Variants in MYT1L observed in about 807,000 individuals in gnomAD.
MYT1L encodes myelin transcription factor 1 like.
MYT1L carries 12 observed loss-of-function variants against 126.7 expected under a neutral mutation model. The ratio of observed to expected loss-of-function variants is 0.09; its 90% CI spans 0.06 to 0.15. The LOEUF (loss-of-function observed/expected upper bound fraction) is 0.15, where lower values mean the gene tolerates loss of function less well. MYT1L is among the 10% of genes least tolerant of loss of function. MYT1L has a pLI of 1.00. For synonymous variants in MYT1L, 541 were observed against 604.2 expected, an observed-to-expected ratio of 0.90 and a Z score of 1.53; for missense variants, 979 against 1,585.2, an observed-to-expected ratio of 0.62 and a Z score of 6.49.
chr2:2,317,170 G>A (rs2096079431), intron 1 of MYT1L, among the ~76,000 whole-genome samples: 1 of 151,988 alleles, frequency 6.6e-6, no homozygotes, highest in Admixed American at 6.6e-5. Context: ...TGAATTTCAC[G>A]TCAACCTGCC....
At chr2:2,165,092 G>C (rs1333963768) in intron 3 of MYT1L, among the ~76,000 whole-genome samples, 1 of 152,184 alleles carries the variant, frequency 6.6e-6, no homozygotes, top group Non-Finnish European at 1.5e-5. Context: ...CAGCTCTCCA[G>C]GGGCACCAGA....
chr2:2,320,243 T>C (rs1361315812), intron 1 of MYT1L, among the ~76,000 whole-genome samples: 1 of 152,000 alleles, frequency 6.6e-6, no homozygotes, highest in African/African-American at 2.4e-5. Context: ...CCCCAGAGCC[T>C]CTGCCCTGGG....
chr2:2,163,791 C>T (rs935103217), intron 3 of MYT1L, among the ~76,000 whole-genome samples: 1 of 151,824 alleles, frequency 6.6e-6, no homozygotes, highest in South Asian at 2.1e-4. Context: ...AGACTTCGAC[C>T]TCCTGTGCTG....
chr2:2,201,894 GA>G (rs1241233372), intron 2 of MYT1L, among the ~76,000 whole-genome samples: 1 of 152,028 alleles, frequency 6.6e-6, no homozygotes, highest in East Asian at 1.9e-4. Context: ...AAGAAATACA[GA>G]CTTTTATTGG....
intron 4 of MYT1L, among the ~76,000 whole-genome samples, chr2:2,047,028 T>C (rs1385026656): frequency 1.3e-5 from 2 of 152,238 alleles, no homozygotes. Flanking sequence ...TTAATATTTT[T>C]ATTTGTTAAA....
At chr2:2,270,736 C>T (rs1203543824) in intron 2 of MYT1L, among the ~76,000 whole-genome samples, 3 of 152,068 alleles carry the variant, frequency 2.0e-5, no homozygotes, top group Non-Finnish European at 4.4e-5. Flanking sequence ...AAAGAAAGTA[C>T]AGCACAGTCT....
In MYT1L at chr2:1,887,687, G is replaced by C; in HGVS notation, c.2521-78C>G. 1 of 1,582,162 alleles carries C rather than the reference G, an allele frequency of 6.3e-7. No individual in the cohort carries two copies. The highest frequency in any genetic ancestry group is 2.2e-5 in the East Asian group (1 of 44,654). ...ACTGAGGGAGGTGGTTCGTGGCTCT[G>C]GGGTGGCCTCTACATCTTACACCTC... is the stretch of plus-strand genomic sequence containing the variant. On this transcript the variant is annotated intron_variant, in intron 16 of 24. Transcript: ENST00000647738. This position sits in a 1 kb window ranked among gnomAD's most constrained non-coding sequence, Gnocchi z 4.8.
At chr2:1,939,811 G>C (rs2056427415) in intron 9 of MYT1L, among the ~76,000 whole-genome samples, 4 of 152,258 alleles carry the variant, frequency 2.6e-5, no homozygotes, top group Admixed American at 2.6e-4. Flanking sequence ...GTACCTGCAG[G>C]TGACGTTGGC....
chr2:2,068,038 GACA>G (rs2074092214), intron 3 of MYT1L, among the ~76,000 whole-genome samples: 1 of 152,096 alleles, frequency 6.6e-6, no homozygotes, highest in African/African-American at 2.4e-5. Flanking sequence ...GATAAAAAGT[GACA>G]ACATCCTAGA....
intron 2 of MYT1L, among the ~76,000 whole-genome samples, chr2:2,208,238 G>A (rs528727012): frequency 2.6e-4 from 40 of 152,272 alleles, no homozygotes; most frequent in Non-Finnish European, 4.4e-4. Flanking sequence ...GATTGAATTC[G>A]AGTTATCCAC....
At chr2:1,895,578 T>C (rs1427050299) in intron 14 of MYT1L, among the ~76,000 whole-genome samples, 1 of 152,174 alleles carries the variant, frequency 6.6e-6, no homozygotes, top group Non-Finnish European at 1.5e-5. Flanking sequence ...ATCTGATCTT[T>C]GATAAGGCCA....
At chr2:1,874,499 C>T (rs34349784) in intron 18 of MYT1L, among the ~76,000 whole-genome samples, 2,490 of 152,246 alleles carry the variant, frequency 0.016, 40 homozygotes, top group Non-Finnish European at 0.027. Context: ...GGGCCGTGGA[C>T]GGGCCATGTG....
rs568885380 is a variant in MYT1L, at chr2:1,812,421, G to A, written c.3081-3254C>T. Among the ~76,000 whole-genome samples the A allele has an allele frequency of 7.2e-5, 11 of 152,314 alleles. No individual in the cohort carries two copies. The South Asian group carries it at 2.3e-3, about 32-fold the overall frequency. On this transcript the variant is annotated intron_variant, in intron 21 of 24. Transcript: ENST00000647738. Reference sequence around the variant, plus strand: ...TGGGAGAGTGCTGGAGATGGAATAGGTGCCCAGTGACGACTTCTGAAAGCA... The same window carrying A: ...TGGGAGAGTGCTGGAGATGGAATAGATGCCCAGTGACGACTTCTGAAAGCA...
At chr2:1,900,302 C>A (rs1254971266) in intron 14 of MYT1L, among the ~76,000 whole-genome samples, 1 of 146,566 alleles carries the variant, frequency 6.8e-6, no homozygotes, top group Non-Finnish European at 1.5e-5. Flanking sequence ...TTCCAGGAGG[C>A]TTTTTTTTTT....
chr2:1,984,505 AT>A (rs35510686), intron 5 of MYT1L, among the ~76,000 whole-genome samples: 532 of 114,266 alleles, frequency 4.7e-3, no homozygotes, highest in South Asian at 7.6e-3. Context: ...CCAAGAACTA[AT>A]TTTTTTTTTT....
chr2:2,159,236 TA>T (rs2087366503), intron 3 of MYT1L, among the ~76,000 whole-genome samples: 1 of 152,134 alleles, frequency 6.6e-6, no homozygotes, highest in African/African-American at 2.4e-5. Context: ...GGCAGCATAC[TA>T]GGCAATCCTT....
rs1225111617 is a variant in MYT1L at position 2,228,737 on chromosome 2, C to G, written c.-421+55667G>C. On this transcript the variant is annotated intron_variant, in intron 2 of 24. Coordinates refer to ENST00000647738, the MANE Select transcript of MYT1L (RefSeq NM_001303052.2). This position sits in a 1 kb window ranked among gnomAD's most constrained non-coding sequence, Gnocchi z 5.9. ...ATTACAGAGAAGAGCTATAAATACA[C>G]TATTTCATGTTCCCCCAAACACCTG... 6.6e-6 allele frequency among the ~76,000 whole-genome samples: 1 copy of G among 152,086 alleles called. No homozygotes were observed. Among genetic ancestry groups the G allele is most frequent in the African/African-American group, 2.4e-5 (1 of 41,408 alleles).
rs2042207269 is a variant in MYT1L at position 1,844,209 on chromosome 2, T to C, written c.2775-3366A>G. On this transcript the variant is annotated intron_variant, in intron 19 of 24. Coordinates refer to ENST00000647738, the MANE Select transcript of MYT1L (RefSeq NM_001303052.2). Reference sequence around the variant, plus strand: ...CATCCCTAGCACAGCAGGACCTAGCTTCCCCTTCAGCACTGAACACCCCCA... The same window carrying C: ...CATCCCTAGCACAGCAGGACCTAGCCTCCCCTTCAGCACTGAACACCCCCA... Among the ~76,000 whole-genome samples, 5 of 152,270 alleles carry C rather than the reference T, an allele frequency of 3.3e-5. No individual in the cohort carries two copies. In the South Asian group the frequency reaches 1.0e-3, roughly 32 times the overall value.
At chr2:2,254,244 A>G (rs1421279717) in intron 2 of MYT1L, among the ~76,000 whole-genome samples, 6 of 152,232 alleles carry the variant, frequency 3.9e-5, no homozygotes, top group Non-Finnish European at 1.5e-5. Flanking sequence ...ATGAGATTCA[A>G]TTAATGCCGT....
Sources: gnomAD v4.1 joint callset for allele counts (sites outside exome capture counted in the v4.1 genomes callset) on GRCh38, gnomAD v4.1.1 for gene constraint, Gnocchi (gnomAD v3.1) non-coding constraint, MANE v1.5 for transcripts, NCBI Gene and HGNC (gene_info 2026-07-23, HGNC 2026-07-21) for gene names.